Variants in RBFOX1 observed in about 807,000 individuals in gnomAD.
The protein encoded by RBFOX1 is RNA binding fox-1 homolog 1, also known as RNA binding protein fox-1 homolog 1.
RBFOX1 carries 8 observed loss-of-function variants against 57.7 expected under a neutral mutation model. The observed-to-expected ratio is 0.14, with a 90% CI of 0.08 to 0.25. The LOEUF is 0.25. RBFOX1 is among the 10% of genes least tolerant of loss of function. The pLI is 1.00. For missense variants in RBFOX1, 611 were observed against 548.5 expected, an observed-to-expected ratio of 1.11 and a Z score of -1.14; for synonymous variants, 326 against 222.4, an observed-to-expected ratio of 1.47 and a Z score of -4.15.
At chr16:6,942,123 C>G (rs559760348) in intron 3 of RBFOX1, among the ~76,000 whole-genome samples, 1 of 152,100 alleles carries the variant, frequency 6.6e-6, no homozygotes, top group Admixed American at 6.5e-5. Flanking sequence ...CCTGTAATCC[C>G]AGCTACTTGG....
intron 3 of RBFOX1, among the ~76,000 whole-genome samples, chr16:6,957,711 C>G (rs1428476402): frequency 6.6e-6 from 1 of 152,142 alleles, no homozygotes; most frequent in Non-Finnish European, 1.5e-5. Context: ...CAGCAGGTCT[C>G]AGCGTCATTT....
intron 1 of RBFOX1, among the ~76,000 whole-genome samples, chr16:6,309,725 T>C (rs1237233118): frequency 6.6e-6 from 1 of 151,904 alleles, no homozygotes; most frequent in East Asian, 1.9e-4. Flanking sequence ...GAAGTTTGCT[T>C]CCCTACAGAG....
intron 3 of RBFOX1, among the ~76,000 whole-genome samples, chr16:6,671,022 C>T (rs1447170280): frequency 6.6e-6 from 1 of 152,094 alleles, no homozygotes; most frequent in Non-Finnish European, 1.5e-5. Flanking sequence ...AACTGGTTTC[C>T]TTATTTACTT....
At chr16:6,918,670 A>G (rs187165618) in intron 3 of RBFOX1, among the ~76,000 whole-genome samples, 14 of 152,240 alleles carry the variant, frequency 9.2e-5, no homozygotes, top group Admixed American at 2.6e-4. Context: ...GTCCTACCCA[A>G]TGGGCATATC....
At chr16:5,544,095 C>G (rs1016249346) in intron 2 of RBFOX1, among the ~76,000 whole-genome samples, 2 of 152,122 alleles carry the variant, frequency 1.3e-5, no homozygotes, top group African/African-American at 4.8e-5. Context: ...AGCCCACCAC[C>G]CAACAACAGG....
chr16:7,454,763 A>T (rs369876650), intron 4 of RBFOX1, among the ~76,000 whole-genome samples: 1 of 152,194 alleles, frequency 6.6e-6, no homozygotes, highest in African/African-American at 2.4e-5. Context: ...AACATGTGCA[A>T]TTGCCCATCT....
At chr16:6,156,351 C>T (rs929280596) in intron 1 of RBFOX1, among the ~76,000 whole-genome samples, 5 of 152,102 alleles carry the variant, frequency 3.3e-5, no homozygotes, top group Non-Finnish European at 7.4e-5. Flanking sequence ...CTTTTCTAGC[C>T]CCACCCAGTG....
At chr16:6,554,149 G>A (rs1046515688) in intron 2 of RBFOX1, among the ~76,000 whole-genome samples, 2 of 152,142 alleles carry the variant, frequency 1.3e-5, no homozygotes, top group Non-Finnish European at 2.9e-5. Flanking sequence ...GCAAAATGGG[G>A]CACAAGAAAC....
intron 1 of RBFOX1, among the ~76,000 whole-genome samples, chr16:5,309,165 C>T (rs2064016570): frequency 6.6e-6 from 1 of 152,186 alleles, no homozygotes; most frequent in Non-Finnish European, 1.5e-5. Context: ...AATTCCTTTA[C>T]TGTCATTTTA....
chr16:6,363,620 C>G (rs139637184), intron 2 of RBFOX1, among the ~76,000 whole-genome samples: 5 of 152,310 alleles, frequency 3.3e-5, no homozygotes, highest in African/African-American at 1.2e-4. Flanking sequence ...AGTGACAGCA[C>G]AACAACAGAC....
At chr16:5,686,788 G>A (rs1432681292) in intron 3 of RBFOX1, among the ~76,000 whole-genome samples, 1 of 151,960 alleles carries the variant, frequency 6.6e-6, no homozygotes, top group Non-Finnish European at 1.5e-5. Flanking sequence ...AATTCCATTT[G>A]GCTATCAATT....
chr16:5,459,877 T>C (rs989334336), intron 1 of RBFOX1, among the ~76,000 whole-genome samples: 4 of 152,120 alleles, frequency 2.6e-5, no homozygotes, highest in Non-Finnish European at 5.9e-5. Context: ...TCTCTCCTTC[T>C]CTTCATCCCT....
chr16:5,969,105 ATTGTT>A (rs1445154017), intron 4 of RBFOX1, among the ~76,000 whole-genome samples: 2 of 151,828 alleles, frequency 1.3e-5, no homozygotes, highest in Non-Finnish European at 2.9e-5. Context: ...TCTGATTTAT[ATTGTT>A]TTCCATTTCT....
chr16:6,400,938 A>G (rs1012709591), intron 2 of RBFOX1, among the ~76,000 whole-genome samples: 3 of 152,224 alleles, frequency 2.0e-5, no homozygotes, highest in African/African-American at 7.2e-5. Flanking sequence ...TGTTGGATTG[A>G]AATTGGAGCT....
At chr16:6,993,553 T>G (rs1344872779) in intron 3 of RBFOX1, among the ~76,000 whole-genome samples, 2 of 152,174 alleles carry the variant, frequency 1.3e-5, no homozygotes, top group Non-Finnish European at 2.9e-5. Context: ...CTTTGTAATT[T>G]TATTCTACAT....
intron 14 of RBFOX1, among the ~76,000 whole-genome samples, chr16:7,686,408 G>A (rs7199170): frequency 0.62 from 93,904 of 151,808 alleles, 29,726 homozygotes; most frequent in East Asian, 0.8. Flanking sequence ...TCATGGATCA[G>A]CTTAGGCCAC....
At chr16:5,936,034 A>AT (rs78887664) in intron 4 of RBFOX1, among the ~76,000 whole-genome samples, 43,193 of 149,530 alleles carry the variant, frequency 0.29, 6,290 homozygotes, top group Middle Eastern at 0.5. Context: ...ATCTGAACCC[A>AT]TTTTTTTTTT....
chr16:7,371,982 T>C (rs2097574905), intron 4 of RBFOX1, among the ~76,000 whole-genome samples: 1 of 152,062 alleles, frequency 6.6e-6, no homozygotes, highest in South Asian at 2.1e-4. Flanking sequence ...TTTTCCATTA[T>C]AAACATTACT....
At chr16:7,051,399 C>T (rs150551219) in intron 3 of RBFOX1, among the ~76,000 whole-genome samples, 1,928 of 152,324 alleles carry the variant, frequency 0.013, 16 homozygotes, top group Non-Finnish European at 0.017. Flanking sequence ...TTAAGTAAAA[C>T]ATGTCAGTAG....
Sources: gnomAD v4.1 joint callset for allele counts (sites outside exome capture counted in the v4.1 genomes callset) on GRCh38, gnomAD v4.1.1 for gene constraint, MANE v1.5 for transcripts, NCBI Gene and HGNC (gene_info 2026-07-23, HGNC 2026-07-21) for gene names.